The following PPP2R2B variants were observed in gnomAD, a reference collection of about 807,000 sequenced individuals.
PPP2R2B encodes protein phosphatase 2 regulatory subunit Bbeta, also known as serine/threonine-protein phosphatase 2A 55 kDa regulatory subunit B beta isoform.
A neutral mutation model predicts 46.0 loss-of-function variants in PPP2R2B; 5 were observed. That is an observed-to-expected ratio of 0.11 (90% confidence interval 0.06 to 0.23). The LOEUF is 0.23. Among genes scored for constraint, PPP2R2B ranks in the 10% least tolerant of loss-of-function variants. The pLI, the probability that PPP2R2B is intolerant of heterozygous loss-of-function variation, is 1.00. For synonymous variants in PPP2R2B, 215 were observed against 206.7 expected (o/e 1.04, Z -0.34); for missense variants, 367 against 575.0 (o/e 0.64, Z 3.70).
chr5:146,667,953 G>A (rs1026211586), intron 5 of PPP2R2B, among the ~76,000 whole-genome samples: 3 of 152,168 alleles, frequency 2.0e-5, no homozygotes, highest in Non-Finnish European at 4.4e-5. Flanking sequence ...AAGCATCAGA[G>A]CCCTGTAATT....
intron 5 of PPP2R2B, among the ~76,000 whole-genome samples, chr5:146,665,711 A>G (rs574565942): frequency 1.3e-5 from 2 of 152,356 alleles, no homozygotes; most frequent in African/African-American, 4.8e-5. Context: ...GGCTTTCGAC[A>G]TGTCTTCCTC....
intron 2 of PPP2R2B, among the ~76,000 whole-genome samples, chr5:146,851,183 G>A (rs973343627): frequency 2.6e-5 from 4 of 152,126 alleles, no homozygotes; most frequent in African/African-American, 7.2e-5. Flanking sequence ...GTCCCTCAGA[G>A]ATCTGTTTAT....
intron 1 of PPP2R2B, among the ~76,000 whole-genome samples, chr5:147,020,110 G>T (rs550509125): frequency 5.3e-5 from 8 of 152,134 alleles, no homozygotes; most frequent in African/African-American, 1.9e-4. Flanking sequence ...TGTTAGAGTT[G>T]CATCACTTTC....
At chr5:146,964,147 T>C (rs1752303365) in intron 1 of PPP2R2B, among the ~76,000 whole-genome samples, 1 of 152,196 alleles carries the variant, frequency 6.6e-6, no homozygotes, top group Non-Finnish European at 1.5e-5. Context: ...TTTATCCTAT[T>C]ATCCTCTTAA....
At chr5:146,938,713 T>G (rs1434507808) in intron 1 of PPP2R2B, among the ~76,000 whole-genome samples, 1 of 151,268 alleles carries the variant, frequency 6.6e-6, no homozygotes, top group Non-Finnish European at 1.5e-5. Context: ...TATGTTCTAA[T>G]TTTTCAAAAA....
At chr5:146,988,889 A>G (rs533055908) in intron 1 of PPP2R2B, among the ~76,000 whole-genome samples, 2 of 152,084 alleles carry the variant, frequency 1.3e-5, no homozygotes, top group African/African-American at 4.8e-5. Flanking sequence ...ACAAAACTCA[A>G]ATAAATAAAA....
chr5:147,025,940 C>T (rs1755507493), intron 1 of PPP2R2B, among the ~76,000 whole-genome samples: 1 of 152,044 alleles, frequency 6.6e-6, no homozygotes, highest in South Asian at 2.1e-4. Flanking sequence ...TACCACTATA[C>T]TCTTAGTAGA....
At chr5:147,008,765 A>T (rs764435759) in intron 1 of PPP2R2B, among the ~76,000 whole-genome samples, 8 of 152,300 alleles carry the variant, frequency 5.3e-5, no homozygotes, top group Middle Eastern at 3.4e-3. Context: ...CCCACACATC[A>T]TCTTTGATAA....
rs556090174 is a variant in PPP2R2B, at chr5:146,628,376, G to GGCTGCAA, written c.790+9874_790+9875insTTGCAGC. ...AGGGGATTTCTGTGGCCAATCCTTG[G>GGCTGCAA]GCTGCAGACTTGCCAATGCAGAAGG... On this transcript the variant is annotated intron_variant, in intron 7 of 9. Coordinates refer to ENST00000394411, the MANE Select transcript of PPP2R2B (RefSeq NM_181675.4). Among the ~76,000 whole-genome samples the GGCTGCAA allele has an allele frequency of 3.3e-4, 50 of 152,306 alleles. No homozygotes were observed. The South Asian group carries it at 6.0e-3, about 18-fold the overall frequency.
chr5:146,993,676 A>T (rs930175125), intron 1 of PPP2R2B, among the ~76,000 whole-genome samples: 2 of 152,240 alleles, frequency 1.3e-5, no homozygotes, highest in African/African-American at 4.8e-5. Context: ...ATTTGTAAAA[A>T]TGATGGCTAT....
rs1390824888 is a variant in PPP2R2B, at chr5:146,794,257, C to T, written c.70+83745G>A. Among the ~76,000 whole-genome samples the T allele has an allele frequency of 2.0e-5, 3 of 152,074 alleles. No homozygotes were observed. In the East Asian group the frequency reaches 5.8e-4, roughly 29 times the overall value. On this transcript the variant is annotated intron_variant, in intron 2 of 9. Transcript: ENST00000394411. ...TTCTTTTGTCAATCATAATCAATTT[C>T]CTACTTGAACTGAAATTGATCTTTT...
chr5:146,952,025 C>T (rs908959594), intron 1 of PPP2R2B, among the ~76,000 whole-genome samples: 2 of 150,184 alleles, frequency 1.3e-5, no homozygotes, highest in Non-Finnish European at 3.0e-5. Context: ...GTAGGTGATC[C>T]ACCCTGGCAT....
intron 7 of PPP2R2B, among the ~76,000 whole-genome samples, chr5:146,619,380 T>C (rs1341825243): frequency 7.3e-5 from 11 of 151,536 alleles, no homozygotes; most frequent in Non-Finnish European, 2.9e-5. Flanking sequence ...CTCCAGAGGC[T>C]GAGGCAGGAG....
chr5:146,791,838 T>C (rs1756220943), intron 2 of PPP2R2B, among the ~76,000 whole-genome samples: 1 of 152,212 alleles, frequency 6.6e-6, no homozygotes, highest in Non-Finnish European at 1.5e-5. Context: ...CTTCTGCCAA[T>C]AATCCCCTGA....
intron 7 of PPP2R2B, among the ~76,000 whole-genome samples, chr5:146,634,827 T>A (rs560238110): frequency 1.2e-4 from 18 of 151,710 alleles, no homozygotes; most frequent in Non-Finnish European, 2.5e-4. Context: ...ATACAGAGAG[T>A]AAGCTCTAAG....
chr5:146,960,520 A>C (rs1457479777), intron 1 of PPP2R2B, among the ~76,000 whole-genome samples: 66 of 152,070 alleles, frequency 4.3e-4, no homozygotes, highest in Middle Eastern at 3.4e-3. Context: ...AAACTCCTGA[A>C]CTCGTGATCC....
intron 1 of PPP2R2B, among the ~76,000 whole-genome samples, chr5:146,890,189 T>C (rs1022614842): frequency 6.6e-6 from 1 of 152,230 alleles, no homozygotes; most frequent in Non-Finnish European, 1.5e-5. Flanking sequence ...CTTTCAAAAC[T>C]CACCAGGGCC....
intron 5 of PPP2R2B, among the ~76,000 whole-genome samples, chr5:146,680,113 T>C (rs1778046298): frequency 2.6e-5 from 4 of 151,612 alleles, no homozygotes; most frequent in Admixed American, 2.6e-4. Flanking sequence ...TATTGTGGCA[T>C]TATTCACGAT....
chr5:146,720,558 T>C (rs888000937), intron 2 of PPP2R2B, among the ~76,000 whole-genome samples: 29 of 152,214 alleles, frequency 1.9e-4, no homozygotes, highest in African/African-American at 7.0e-4. Context: ...TGTTGGGAAA[T>C]AGCTCATACA....
Sources: gnomAD v4.1 joint callset for allele counts (sites outside exome capture counted in the v4.1 genomes callset) on GRCh38, gnomAD v4.1.1 for gene constraint, MANE v1.5 for transcripts, NCBI Gene and HGNC (gene_info 2026-07-23, HGNC 2026-07-21) for gene names.